The following FBXO34 variants were observed in gnomAD, a reference collection of about 807,000 sequenced individuals.
FBXO34 encodes the protein F-box only protein 34.
FBXO34 carries 12 observed loss-of-function variants against 24.5 expected under a neutral mutation model. That is an observed-to-expected ratio of 0.49 (90% CI 0.31 to 0.79). The LOEUF (loss-of-function observed/expected upper bound fraction) is 0.79. FBXO34 is among the 30% of genes least tolerant of loss of function. FBXO34 has a pLI of 0.04. For synonymous variants in FBXO34, 320 were observed against 311.9 expected (o/e 1.03, Z -0.27); for missense variants, 823 against 857.7 (o/e 0.96, Z 0.51).
chr14:55,301,140 A>G (rs1302075378), intron 1 of FBXO34, among the ~76,000 whole-genome samples: 1 of 152,226 alleles, frequency 6.6e-6, no homozygotes, highest in Non-Finnish European at 1.5e-5. Flanking sequence ...GGACAATGTT[A>G]AAAAGAGTGT....
the FBXO34 span, among the ~76,000 whole-genome samples, chr14:55,388,591 A>G: frequency 6.6e-6 from 1 of 152,240 alleles, no homozygotes; most frequent in Non-Finnish European, 1.5e-5. Context: ...TATATAATGT[A>G]TATCATGAAA....
chr14:55,377,965 C>G, the FBXO34 span: 14 of 1,598,014 alleles, frequency 8.8e-6, no homozygotes, highest in Non-Finnish European at 1.2e-5. Context: ...AAAATTAGTT[C>G]ACAACCTATT....
At position 55,276,461 on chromosome 14, in the gene FBXO34, C is replaced by T. The variant is rs571369208; in HGVS notation, c.-11+4924C>T. Among the ~76,000 whole-genome samples, 4 of 152,114 alleles carry T rather than the reference C, an allele frequency of 2.6e-5. No homozygotes were observed. In the East Asian group the frequency reaches 7.7e-4, roughly 29 times the overall value. Reference sequence around the variant, plus strand: ...TTTACACCTAGACATTTCCCCATGCCTATTATTAACTATTTGTTTACTTGT... The same window carrying T: ...TTTACACCTAGACATTTCCCCATGCTTATTATTAACTATTTGTTTACTTGT... On this transcript the variant is annotated intron_variant, in intron 1 of 1. Coordinates refer to ENST00000313833, the MANE Select transcript of FBXO34 (RefSeq NM_017943.4).
At chr14:55,349,950 C>T (rs946046159) in intron 1 of FBXO34, among the ~76,000 whole-genome samples, 3 of 151,874 alleles carry the variant, frequency 2.0e-5, no homozygotes, top group African/African-American at 4.8e-5. Context: ...TAATAAAATG[C>T]GAATTGTGAT....
At chr14:55,298,922 G>A in intron 1 of FBXO34, 2 of 1,578,996 alleles carry the variant, frequency 1.3e-6, no homozygotes, top group Non-Finnish European at 1.7e-6. Flanking sequence ...ATACCGAGGT[G>A]CTCAAGAACA....
chr14:55,361,527 G>T (rs1011893181), intron 3 of FBXO34, among the ~76,000 whole-genome samples: 7 of 152,178 alleles, frequency 4.6e-5, no homozygotes, highest in African/African-American at 1.7e-4. Flanking sequence ...AGCCCCTAAT[G>T]AGAGAGTCAG....
At chr14:55,426,100 C>A in the FBXO34 span, among the ~76,000 whole-genome samples, 1 of 151,948 alleles carries the variant, frequency 6.6e-6, no homozygotes, top group Non-Finnish European at 1.5e-5. Flanking sequence ...AACCTCGTCT[C>A]TACTAAAAAT....
chr14:55,287,148 C>G (rs977505600), intron 1 of FBXO34, among the ~76,000 whole-genome samples: 4 of 152,124 alleles, frequency 2.6e-5, no homozygotes, highest in African/African-American at 9.7e-5. Context: ...TCAGGTGATC[C>G]ATCTGCCTTG....
intron 1 of FBXO34, among the ~76,000 whole-genome samples, chr14:55,327,131 T>C (rs979720590): frequency 2.6e-5 from 4 of 152,114 alleles, no homozygotes; most frequent in Non-Finnish European, 5.9e-5. Flanking sequence ...TAAGATGACA[T>C]TGAGCAAAAG....
chr14:55,422,650 G>A, the FBXO34 span, among the ~76,000 whole-genome samples: 3 of 152,108 alleles, frequency 2.0e-5, no homozygotes, highest in South Asian at 2.1e-4. Context: ...CCAGAGGTTC[G>A]AGACCAGCCT....
intron 1 of FBXO34, chr14:55,282,409 C>T: frequency 6.0e-6 from 2 of 334,802 alleles, no homozygotes; most frequent in South Asian, 2.8e-5. Context: ...CACATTGGAC[C>T]ACGATAGGCC....
At chr14:55,337,193 C>CT (rs571115856) in intron 1 of FBXO34, among the ~76,000 whole-genome samples, 3 of 152,084 alleles carry the variant, frequency 2.0e-5, no homozygotes, top group Non-Finnish European at 4.4e-5. Flanking sequence ...AGGCTGGTCT[C>CT]TAACTCCTGA....
chr14:55,428,896 A>G, the FBXO34 span: 3 of 1,614,204 alleles, frequency 1.9e-6, no homozygotes, highest in Non-Finnish European at 2.5e-6. Flanking sequence ...GAATTTTAAA[A>G]TCGAGGAATC....
In FBXO34 at chr14:55,306,690, A is replaced by G. The variant is rs140143517; in HGVS notation, c.-11+35153A>G. On this transcript the variant is annotated intron_variant, in intron 1 of 1. Coordinates refer to ENST00000313833, the MANE Select transcript of FBXO34 (RefSeq NM_017943.4). ...TCTACTAAAAATACAAAAACTAGCC[A>G]GACGTGGTGGCACACGCCTGTAATC... is the stretch of plus-strand genomic sequence containing the variant. 3.4e-3 allele frequency among the ~76,000 whole-genome samples: 515 copies of G among 152,230 alleles called. 6 individuals are homozygous for G. Among genetic ancestry groups the G allele is most frequent in the African/African-American group, 0.012 (492 of 41,546 alleles).
chr14:55,395,248 A>C, the FBXO34 span: 1 of 351,952 alleles, frequency 2.8e-6, no homozygotes. Flanking sequence ...GCTGCAGGGA[A>C]GGCGTGTGCC....
chr14:55,316,395 T>C (rs150245341), intron 1 of FBXO34, among the ~76,000 whole-genome samples: 1,992 of 150,828 alleles, frequency 0.013, 19 homozygotes, highest in Non-Finnish European at 0.017. Context: ...GAGACCAGAC[T>C]GGGCAAAATG....
chr14:55,282,015 TGATACAGA>T (rs1881564207), intron 1 of FBXO34, among the ~76,000 whole-genome samples: 2 of 96,976 alleles, frequency 2.1e-5, no homozygotes, highest in Non-Finnish European at 2.2e-5. Context: ...TTTTTTTTTT[TGATACAGA>T]GTCTTATTCT....
chr14:55,340,455 C>T (rs1390176202), intron 1 of FBXO34, among the ~76,000 whole-genome samples: 1 of 150,790 alleles, frequency 6.6e-6, no homozygotes, highest in Non-Finnish European at 1.5e-5. Context: ...CTGTATTGCT[C>T]AGTCTGATCT....
chr14:55,417,023 G>A, the FBXO34 span, among the ~76,000 whole-genome samples: 9 of 152,244 alleles, frequency 5.9e-5, no homozygotes, highest in Non-Finnish European at 1.2e-4. Flanking sequence ...AGCTCAAGGA[G>A]TATACCATCT....
Sources: allele counts gnomAD v4.1 joint callset (sites outside exome capture counted in the v4.1 genomes callset), GRCh38; gene constraint gnomAD v4.1.1; transcripts MANE v1.5; gene names NCBI Gene and HGNC (gene_info 2026-07-23, HGNC 2026-07-21).